Variants in UGT1A7 observed in about 807,000 individuals in gnomAD.
UGT1A7 encodes the protein UDP glucuronosyltransferase family 1 member A7, also known as UDP-glucuronosyltransferase 1A7.
UGT1A7 carries 33 observed loss-of-function variants against 45.6 expected under a neutral mutation model. The ratio of observed to expected loss-of-function variants is 0.72; its 90% CI spans 0.55 to 0.97. UGT1A7 has a LOEUF of 0.97. Ranked by LOEUF, UGT1A7 falls within the 50% of genes least tolerant of loss-of-function variation. UGT1A7 has a pLI of 0.00. For missense variants in UGT1A7, 684 were observed against 666.2 expected, an observed-to-expected ratio of 1.03 and a Z score of -0.29; for synonymous variants, 274 against 250.6, an observed-to-expected ratio of 1.09 and a Z score of -0.88.
chr2:233,686,539 C>A (rs905637475), intron 1 of UGT1A7, among the ~76,000 whole-genome samples: 1 of 152,110 alleles, frequency 6.6e-6, no homozygotes, highest in Non-Finnish European at 1.5e-5. Flanking sequence ...CCTAACCTTT[C>A]CGTGGCTTTC....
intron 1 of UGT1A7, among the ~76,000 whole-genome samples, chr2:233,712,410 G>T (rs1290226117): frequency 1.3e-5 from 2 of 152,150 alleles, no homozygotes; most frequent in Non-Finnish European, 2.9e-5. Context: ...TCCTCTTTGA[G>T]CTTTACAAGA....
intron 1 of UGT1A7, chr2:233,739,100 G>C (rs1263190228): frequency 6.6e-6 from 1 of 152,274 alleles, no homozygotes; most frequent in African/African-American, 2.4e-5. Context: ...TCGATGTGGT[G>C]TTGGGCCTGC....
At position 233,772,686 on chromosome 2, in the gene UGT1A7, C is replaced by T. The variant is rs1700541749; in HGVS notation, c.*127C>T. The T allele has an allele frequency of 2.0e-6, 3 of 1,495,122 alleles. No individual in the cohort carries two copies. The highest frequency in any genetic ancestry group is 2.4e-5 in the Admixed American group (1 of 41,056). 92.6% of individuals were successfully genotyped at this position (1,495,122 alleles called of 1,614,324 possible). A position where few individuals can be genotyped will look rare whatever the true frequency, so the allele number is the denominator to read the frequency against. On this transcript the variant is annotated 3_prime_UTR_variant, in exon 5 of 5. Coordinates refer to ENST00000373426, the MANE Select transcript of UGT1A7 (RefSeq NM_019077.3). ...ATACTTTGCATAAATTAATCAGCCCCAGAGTGCTTTAAAAAATTCTCTTAA... is the reference window on the plus strand; with the variant it reads ...ATACTTTGCATAAATTAATCAGCCCTAGAGTGCTTTAAAAAATTCTCTTAA...
intron 1 of UGT1A7, among the ~76,000 whole-genome samples, chr2:233,695,649 A>G (rs2075301857): frequency 6.6e-6 from 1 of 151,872 alleles, no homozygotes; most frequent in African/African-American, 2.4e-5. Flanking sequence ...TTTTAGCTCC[A>G]CATATAAATG....
At chr2:233,734,935 C>A (rs1354608889) in intron 1 of UGT1A7, among the ~76,000 whole-genome samples, 1 of 152,058 alleles carries the variant, frequency 6.6e-6, no homozygotes, top group African/African-American at 2.4e-5. Flanking sequence ...TACTTACAAT[C>A]ATATGGTCAG....
intron 1 of UGT1A7, among the ~76,000 whole-genome samples, chr2:233,738,155 C>A (rs1206692436): frequency 1.3e-5 from 2 of 152,160 alleles, no homozygotes; most frequent in Non-Finnish European, 2.9e-5. Context: ...GCAAGCTATT[C>A]CTCTTTCTCT....
intron 1 of UGT1A7, among the ~76,000 whole-genome samples, chr2:233,762,725 T>C (rs1290938105): frequency 6.6e-6 from 1 of 152,154 alleles, no homozygotes; most frequent in African/African-American, 2.4e-5. Context: ...CGGTTTTTTT[T>C]TTTTGGTCAC....
intron 1 of UGT1A7, chr2:233,755,670 G>A (rs1695987366): frequency 6.3e-6 from 1 of 158,018 alleles, no homozygotes. Flanking sequence ...AGAGGGTGGT[G>A]GGAGTGAGTT....
At chr2:233,694,135 G>A (rs2075201567) in intron 1 of UGT1A7, among the ~76,000 whole-genome samples, 1 of 152,152 alleles carries the variant, frequency 6.6e-6, no homozygotes, top group African/African-American at 2.4e-5. Context: ...CTCATTGAAT[G>A]AGCCTTAGAA....
intron 1 of UGT1A7, among the ~76,000 whole-genome samples, chr2:233,684,283 T>C (rs982969534): frequency 6.6e-6 from 1 of 152,174 alleles, no homozygotes; most frequent in African/African-American, 2.4e-5. Flanking sequence ...AAACATGACT[T>C]TCAGCTCTTG....
chr2:233,760,441 C>T (rs2125984132), intron 1 of UGT1A7: 2 of 1,614,208 alleles, frequency 1.2e-6, no homozygotes, highest in Non-Finnish European at 1.7e-6. Flanking sequence ...GCAGCTGCAG[C>T]AGAGGGGACA....
Position 233,692,853 on chromosome 2 carries a change from G to T in UGT1A7, c.855+10061G>T, listed in dbSNP as rs571561782. 67 of 1,463,022 alleles carry T rather than the reference G, an allele frequency of 4.6e-5. 1 individual carries two copies. In the African/African-American group the frequency reaches 8.5e-4, roughly 19 times the overall value. 90.6% of individuals were successfully genotyped at this position (1,463,022 alleles called of 1,614,324 possible). On this transcript the variant is annotated intron_variant, in intron 1 of 4. Coordinates refer to ENST00000373426, the MANE Select transcript of UGT1A7 (RefSeq NM_019077.3). Reference sequence around the variant, plus strand: ...TTAAAATGGTTAAATATTAATTTGGGTTCTTACATATCAAAGGGTAAAATT... The same window carrying T: ...TTAAAATGGTTAAATATTAATTTGGTTTCTTACATATCAAAGGGTAAAATT...
intron 1 of UGT1A7, among the ~76,000 whole-genome samples, chr2:233,724,347 C>T (rs1207944594): frequency 5.4e-5 from 8 of 147,950 alleles, no homozygotes; most frequent in East Asian, 2.1e-4. Flanking sequence ...CTGACCCCCC[C>T]CACCTCCCTC....
At chr2:233,700,814 T>C (rs909154116) in intron 1 of UGT1A7, among the ~76,000 whole-genome samples, 1 of 152,156 alleles carries the variant, frequency 6.6e-6, no homozygotes, top group African/African-American at 2.4e-5. Flanking sequence ...GTTGGTGTGC[T>C]GCACCCATTA....
chr2:233,718,752 A>G (rs2076680847), intron 1 of UGT1A7: 6 of 1,612,234 alleles, frequency 3.7e-6, no homozygotes, highest in Non-Finnish European at 5.1e-6. Context: ...AAGGTAATTA[A>G]GGCGAAGGAA....
chr2:233,708,724 C>T (rs1198827860), intron 1 of UGT1A7: 1 of 152,188 alleles, frequency 6.6e-6, no homozygotes, highest in Non-Finnish European at 1.5e-5. Flanking sequence ...GCACCTCAGC[C>T]TGGGCAACAG....
intron 1 of UGT1A7, chr2:233,718,924 C>A: frequency 6.2e-7 from 1 of 1,614,056 alleles, no homozygotes; most frequent in Non-Finnish European, 8.5e-7. Flanking sequence ...TTGGTGGTGC[C>A]CACTGATGGC....
intron 1 of UGT1A7, among the ~76,000 whole-genome samples, chr2:233,761,829 G>C (rs1171169931): frequency 6.6e-6 from 1 of 152,178 alleles, no homozygotes; most frequent in Non-Finnish European, 1.5e-5. Context: ...CCTTCAGATG[G>C]AGCGTTAGGG....
At chr2:233,694,584 A>G (rs2075227609) in intron 1 of UGT1A7, among the ~76,000 whole-genome samples, 1 of 152,218 alleles carries the variant, frequency 6.6e-6, no homozygotes, top group Non-Finnish European at 1.5e-5. Context: ...GTAAATATTT[A>G]CAACTTTGAA....
Sources: gnomAD v4.1 joint callset for allele counts (sites outside exome capture counted in the v4.1 genomes callset) on GRCh38, gnomAD v4.1.1 for gene constraint, MANE v1.5 for transcripts, NCBI Gene and HGNC (gene_info 2026-07-23, HGNC 2026-07-21) for gene names.